The following ATP8B4 variants were observed in gnomAD, a reference collection of about 807,000 sequenced individuals.
ATP8B4 encodes the protein probable phospholipid-transporting ATPase IM.
ATP8B4 carries 133 observed loss-of-function variants against 145.6 expected under a neutral mutation model. The ratio of observed to expected loss-of-function variants is 0.91; its 90% CI spans 0.79 to 1.05. The LOEUF is 1.05. Among genes scored for constraint, ATP8B4 ranks in the 50% least tolerant of loss-of-function variants. ATP8B4 has a pLI of 0.00. For missense variants in ATP8B4, 1,458 were observed against 1,425.2 expected (o/e 1.02, Z -0.37); for synonymous variants, 507 against 492.9 (o/e 1.03, Z -0.38).
chr15:50,144,576 A>G lies in ATP8B4; in HGVS notation c.-42-37568T>C, dbSNP rs528898191. Among the ~76,000 whole-genome samples the G allele has an allele frequency of 2.0e-5, 3 of 152,318 alleles. No homozygotes were observed. In the East Asian group the frequency reaches 5.8e-4, roughly 29 times the overall value. On this transcript the variant is annotated intron_variant, in intron 1 of 3. Coordinates refer to the ATP8B4 transcript ENST00000558829. ...ACTCACTCACTATCTTGAGAACAGC[A>G]TGGGGGCATTACCTCCCACCAAGTC...
chr15:50,114,478 T>A (rs2057103516), intron 1 of ATP8B4: 2 of 152,410 alleles, frequency 1.3e-5, no homozygotes, highest in Non-Finnish European at 2.9e-5. Context: ...TTTCCTAGTC[T>A]GCTCTTGCTG....
chr15:50,095,618 G>T (rs2055926511), intron 2 of ATP8B4, among the ~76,000 whole-genome samples: 1 of 152,212 alleles, frequency 6.6e-6, no homozygotes, highest in East Asian at 1.9e-4. Context: ...CTAGCCAGGT[G>T]TGGTGGCACA....
Position 50,073,064 on chromosome 15 carries a change from C to T in ATP8B4, c.87+1063G>A, listed in dbSNP as rs111523519. On this transcript the variant is annotated intron_variant, in intron 3 of 27. Transcript: ENST00000284509. The stretch of plus-strand genomic sequence containing the variant: ...CACACACACACACACTATACATATA[C>T]GCATATATATATGTGTGTGTGTATA... 4.0e-4 allele frequency among the ~76,000 whole-genome samples: 50 copies of T among 126,210 alleles called. 1 individual carries two copies. The highest frequency in any genetic ancestry group is 1.3e-3 in the African/African-American group (41 of 32,190). 82.8% of individuals were successfully genotyped at this position (126,210 alleles called of 152,430 possible).
At chr15:50,029,238 T>TAAAAAAAAAAAAAAA (rs58363112) in intron 6 of ATP8B4, among the ~76,000 whole-genome samples, 24 of 76,592 alleles carry the variant, frequency 3.1e-4, no homozygotes, top group Non-Finnish European at 4.0e-4. Context: ...GACTCCATCT[T>TAAAAAAAAAAAAAAA]AAAAAAAAAA....
chr15:50,049,931 A>G (rs371414317), intron 3 of ATP8B4, among the ~76,000 whole-genome samples: 1 of 151,834 alleles, frequency 6.6e-6, no homozygotes, highest in South Asian at 2.1e-4. Context: ...ATTTTTTCAT[A>G]TATTTGTTGG....
At chr15:50,004,631 G>T (rs1208689109) in intron 7 of ATP8B4, among the ~76,000 whole-genome samples, 1 of 152,132 alleles carries the variant, frequency 6.6e-6, no homozygotes, top group Non-Finnish European at 1.5e-5. Flanking sequence ...CTTCACATGC[G>T]CTATTTTATT....
chr15:50,098,141 T>C (rs990146128), intron 2 of ATP8B4, among the ~76,000 whole-genome samples: 4 of 152,088 alleles, frequency 2.6e-5, no homozygotes, highest in Non-Finnish European at 5.9e-5. Context: ...ATTCTTATGC[T>C]ATTGATCTGT....
At chr15:50,082,151 G>A (rs549069984) in intron 2 of ATP8B4, among the ~76,000 whole-genome samples, 1 of 152,288 alleles carries the variant, frequency 6.6e-6, no homozygotes, top group African/African-American at 2.4e-5. Context: ...GTAGTTGGAA[G>A]CCAAAGCAAT....
intron 1 of ATP8B4, among the ~76,000 whole-genome samples, chr15:50,133,691 G>C (rs1326030322): frequency 6.6e-6 from 1 of 152,146 alleles, no homozygotes; most frequent in Non-Finnish European, 1.5e-5. Flanking sequence ...TAGAGAAATG[G>C]GGAGATGTTG....
At chr15:49,936,398 T>C (rs2041739016) in intron 14 of ATP8B4, among the ~76,000 whole-genome samples, 1 of 152,158 alleles carries the variant, frequency 6.6e-6, no homozygotes, top group Admixed American at 6.5e-5. Context: ...GAAAATGTCT[T>C]TATCCTGCCT....
In ATP8B4 at chr15:49,931,225, G is replaced by A. The variant is rs754527186; in HGVS notation, c.1536C>T (p.Ser512=). The A allele has an allele frequency of 1.9e-6, 3 of 1,612,604 alleles. No homozygotes were observed. The highest frequency in any genetic ancestry group is 2.2e-5 in the South Asian group (2 of 91,032). The change falls in exon 16 of 28, where the codon TCC becomes TCT. Residue 512 remains serine, a synonymous_variant. Transcript: ENST00000284509. ...CTATTGTTATGGTCTCTGGGGTCCGGGATTTAAAAATGAACCCAAAATTTC... is the reference window on the plus strand; with the variant it reads ...CTATTGTTATGGTCTCTGGGGTCCGAGATTTAAAAATGAACCCAAAATTTC... ...AARNFGFIFK[S]RTPETITIEE...
intron 6 of ATP8B4, among the ~76,000 whole-genome samples, chr15:50,019,237 T>C (rs1599844934): frequency 6.6e-6 from 1 of 152,152 alleles, no homozygotes; most frequent in Non-Finnish European, 1.5e-5. Context: ...TGTAGCATAG[T>C]AGAAGAGTAC....
intron 25 of ATP8B4, among the ~76,000 whole-genome samples, chr15:49,873,288 G>T (rs1052169264): frequency 6.6e-6 from 1 of 152,272 alleles, no homozygotes; most frequent in East Asian, 1.9e-4. Context: ...CCTTTAAGGA[G>T]ATAACCTTAG....
intron 1 of ATP8B4, among the ~76,000 whole-genome samples, chr15:50,133,976 A>G (rs2044086324): frequency 1.3e-5 from 2 of 152,238 alleles, no homozygotes; most frequent in Non-Finnish European, 2.9e-5. Context: ...CTCTATAAAA[A>G]ATAAAAATTT....
chr15:50,148,892 A>G (rs535596280), intron 1 of ATP8B4, among the ~76,000 whole-genome samples: 2 of 152,366 alleles, frequency 1.3e-5, no homozygotes, highest in Admixed American at 6.5e-5. Flanking sequence ...AGTGATACGT[A>G]CTGAAAGTAT....
chr15:49,876,436 T>G lies in ATP8B4; in HGVS notation c.2869A>C (p.Ile957Leu). The change falls in exon 25 of 28, where the codon ATT becomes CTT. Residue 957 changes from isoleucine to leucine, a missense_variant. Physicochemically the swap from Ile to Leu is conservative, Grantham distance 5. Coordinates refer to ENST00000284509, the MANE Select transcript of ATP8B4 (RefSeq NM_024837.4). ...GTGTAGATTCCATGCAACACGCAAA[T>G]GAAAAATTTACGCTTGTTAAAAAGC... The part of the protein sequence containing the change: ...NLLFNKRKFF[I>L]CVLHGIYTSL... 2 of 1,613,098 alleles carry G rather than the reference T, an allele frequency of 1.2e-6. No individual in the cohort carries two copies. Among genetic ancestry groups the G allele is most frequent in the Admixed American group, 1.7e-5 (1 of 59,954 alleles).
intron 10 of ATP8B4, among the ~76,000 whole-genome samples, chr15:49,986,657 CA>C (rs1232628174): frequency 2.0e-5 from 3 of 152,248 alleles, no homozygotes; most frequent in African/African-American, 7.2e-5. Context: ...TCAAGAGGCC[CA>C]AAACACATCT....
At chr15:49,939,918 G>C (rs1389285552) in intron 14 of ATP8B4, among the ~76,000 whole-genome samples, 3 of 152,180 alleles carry the variant, frequency 2.0e-5, no homozygotes, top group Admixed American at 6.5e-5. Flanking sequence ...TGAGGATGTG[G>C]AGTAAAGGGA....
intron 1 of ATP8B4, among the ~76,000 whole-genome samples, chr15:50,138,507 T>G (rs2044163052): frequency 6.6e-6 from 1 of 152,106 alleles, no homozygotes; most frequent in Admixed American, 6.5e-5. Context: ...ATAAATTATC[T>G]GCTCAGTCAT....
Sources: gnomAD v4.1 joint callset for allele counts (sites outside exome capture counted in the v4.1 genomes callset) on GRCh38, gnomAD v4.1.1 for gene constraint, MANE v1.5 for transcripts, NCBI Gene and HGNC (gene_info 2026-07-23, HGNC 2026-07-21) for gene names.